The following MACROD1 variants were observed in gnomAD, a reference collection of about 807,000 sequenced individuals.
The protein encoded by MACROD1 is mono-ADP ribosylhydrolase 1.
A neutral mutation model predicts 41.4 loss-of-function variants in MACROD1; 31 were observed. The ratio of observed to expected loss-of-function variants is 0.75; its 90% CI spans 0.56 to 1.01. The LOEUF (loss-of-function observed/expected upper bound fraction) is 1.01, where lower values mean the gene tolerates loss of function less well. Among genes scored for constraint, MACROD1 ranks in the 50% least tolerant of loss-of-function variants. MACROD1 has a pLI of 0.00. For missense variants in MACROD1, 473 were observed against 460.0 expected, an observed-to-expected ratio of 1.03 and a Z score of -0.26; for synonymous variants, 252 against 203.4, an observed-to-expected ratio of 1.24 and a Z score of -2.03.
intron 3 of MACROD1, chr11:64,116,195 GC>G: frequency 6.5e-7 from 1 of 1,527,292 alleles, no homozygotes; most frequent in Non-Finnish European, 8.7e-7. Context: ...CCCTCTCACT[GC>G]CCCTGTCCTG....
intron 3 of MACROD1, among the ~76,000 whole-genome samples, chr11:64,072,694 G>A (rs1334743315): frequency 1.3e-5 from 2 of 152,192 alleles, no homozygotes; most frequent in Admixed American, 6.5e-5. Context: ...TTATAGGGCT[G>A]TTCTGGGGAT....
At position 64,074,552 on chromosome 11, in the gene MACROD1, G is replaced by A. The variant is rs780242751; in HGVS notation, c.518-59271C>T. Among the ~76,000 whole-genome samples, 6 of 152,222 alleles carry A rather than the reference G, an allele frequency of 3.9e-5. No homozygotes were observed. In the South Asian group the frequency reaches 6.2e-4, roughly 16 times the overall value. ...CACGCAGCAAATAACGTGTGGAGAA[G>A]CAATTCCGATGTCACCTCCATGTCC... On this transcript the variant is annotated intron_variant, in intron 3 of 10. Transcript: ENST00000255681.
At chr11:64,024,232 A>G (rs1223508836) in intron 3 of MACROD1, among the ~76,000 whole-genome samples, 2 of 152,232 alleles carry the variant, frequency 1.3e-5, no homozygotes, top group East Asian at 3.8e-4. Flanking sequence ...GCCCTGAAGG[A>G]CCTTCCAGAC....
chr11:64,015,727 T>TA (rs1459057600), intron 3 of MACROD1, among the ~76,000 whole-genome samples: 3 of 151,874 alleles, frequency 2.0e-5, no homozygotes, highest in Admixed American at 1.3e-4. Flanking sequence ...TTGAAGCCAC[T>TA]AGGAAGCAAA....
At chr11:64,004,351 C>T (rs1356368425) in intron 4 of MACROD1, among the ~76,000 whole-genome samples, 1 of 152,190 alleles carries the variant, frequency 6.6e-6, no homozygotes, top group Non-Finnish European at 1.5e-5. Flanking sequence ...CGCCAAGGCG[C>T]TTAGGATGAG....
At chr11:64,028,512 C>T (rs1943251041) in intron 3 of MACROD1, among the ~76,000 whole-genome samples, 1 of 152,216 alleles carries the variant, frequency 6.6e-6, no homozygotes, top group Non-Finnish European at 1.5e-5. Context: ...AGGAGGAGGT[C>T]AGTGTGGCAG....
intron 3 of MACROD1, among the ~76,000 whole-genome samples, chr11:64,069,501 A>G (rs1944066345): frequency 6.6e-6 from 1 of 152,152 alleles, no homozygotes; most frequent in Non-Finnish European, 1.5e-5. Flanking sequence ...GCTCTGGGGT[A>G]GGGGAAGGGC....
At chr11:64,113,360 T>TGATG (rs1191481891) in intron 3 of MACROD1, among the ~76,000 whole-genome samples, 78 of 152,194 alleles carry the variant, frequency 5.1e-4, no homozygotes, top group African/African-American at 6.0e-4. Flanking sequence ...GTTGGATGCA[T>TGATG]GATGGATGGA....
chr11:64,044,445 C>T (rs979508477), intron 3 of MACROD1, among the ~76,000 whole-genome samples: 5 of 152,040 alleles, frequency 3.3e-5, no homozygotes, highest in Non-Finnish European at 5.9e-5. Flanking sequence ...GACAGGGTTT[C>T]CTTATGTTGC....
intron 3 of MACROD1, among the ~76,000 whole-genome samples, chr11:64,026,527 C>T (rs746211870): frequency 3.3e-5 from 5 of 152,076 alleles, no homozygotes; most frequent in Non-Finnish European, 5.9e-5. Flanking sequence ...TTGTGGAGTG[C>T]GCATATCTTA....
chr11:64,165,750 G>A lies in MACROD1; in HGVS notation c.245C>T (p.Ala82Val), dbSNP rs775146077. ...GCTCAGGTCCACCTTCGCCGCCATGGCCAGGGGGGCCCAAGTGCGCACCCC... is the reference window on the plus strand; with the variant it reads ...GCTCAGGTCCACCTTCGCCGCCATGACCAGGGGGGCCCAAGTGCGCACCCC... ...TAGVRTWAPL[A>V]MAAKVDLSTS... Residue 82 changes from alanine to valine, a missense_variant, in exon 1 of 11, where the codon GCC (alanine) becomes GTC (valine). Coordinates refer to ENST00000255681, the MANE Select transcript of MACROD1 (RefSeq NM_014067.4). The A allele has an allele frequency of 2.0e-6, 3 of 1,499,140 alleles. No individual in the cohort carries two copies. The highest frequency in any genetic ancestry group is 2.6e-5 in the South Asian group (2 of 75,768). The allele number at this position is 1,499,140 out of a possible 1,614,324, so 92.9% of individuals were successfully genotyped here.
intron 4 of MACROD1, among the ~76,000 whole-genome samples, chr11:64,002,161 G>T (rs376429831): frequency 3.9e-5 from 6 of 152,126 alleles, no homozygotes; most frequent in East Asian, 3.9e-4. Flanking sequence ...CACAGTGTGT[G>T]GGGGTGAGCC....
intron 3 of MACROD1, among the ~76,000 whole-genome samples, chr11:64,085,633 C>A (rs983443445): frequency 9.2e-5 from 14 of 152,358 alleles, no homozygotes; most frequent in Non-Finnish European, 1.5e-4. Flanking sequence ...CTCTGCCCCA[C>A]ATGGCTGTGG....
rs148936962 is a variant in MACROD1, at chr11:64,067,163, G to A, written c.518-51882C>T. Among the ~76,000 whole-genome samples the A allele has an allele frequency of 1.1e-4, 17 of 152,276 alleles. No individual in the cohort carries two copies. Among genetic ancestry groups the A allele is most frequent in the Non-Finnish European group, 1.9e-4 (13 of 68,022 alleles). On this transcript the variant is annotated intron_variant, in intron 3 of 10. Coordinates refer to ENST00000255681, the MANE Select transcript of MACROD1 (RefSeq NM_014067.4). This position sits in a 1 kb window ranked among gnomAD's most constrained non-coding sequence, Gnocchi z 4.6. ...GCAGGGCTGGTGGGGGTGGGAGGCC[G>A]GCCATACCCACCTGTAGGCACATGC...
At chr11:64,056,300 C>T (rs1017376570) in intron 3 of MACROD1, among the ~76,000 whole-genome samples, 8 of 152,034 alleles carry the variant, frequency 5.3e-5, no homozygotes, top group African/African-American at 1.7e-4. Context: ...CTGCTGCAGC[C>T]CCTACACGTT....
chr11:64,049,572 T>C (rs1018571800), intron 3 of MACROD1, among the ~76,000 whole-genome samples: 2 of 152,206 alleles, frequency 1.3e-5, no homozygotes, highest in African/African-American at 2.4e-5. Flanking sequence ...GCTGGTTCTA[T>C]TGGCTTCCTG....
rs373825303 is a variant in MACROD1 at position 64,079,316 on chromosome 11, C to T, written c.518-64035G>A. ...GCTGCAGATGCCTCTGGGAATGAGA[C>T]AGACAGGGGTCTGCCCTCTGGGAGG... On this transcript the variant is annotated intron_variant, in intron 3 of 10. Coordinates refer to ENST00000255681, the MANE Select transcript of MACROD1 (RefSeq NM_014067.4). 7.3e-3 allele frequency among the ~76,000 whole-genome samples: 1,106 copies of T among 151,396 alleles called. 15 individuals are homozygous for T. The highest frequency in any genetic ancestry group is 0.026 in the African/African-American group (1,061 of 41,162).
At chr11:64,154,619 C>A (rs991883074) in intron 1 of MACROD1, among the ~76,000 whole-genome samples, 1 of 152,246 alleles carries the variant, frequency 6.6e-6, no homozygotes, top group African/African-American at 2.4e-5. Flanking sequence ...CTGCCTCCCC[C>A]ACTACACCAG....
chr11:64,021,796 C>T (rs996763417), intron 3 of MACROD1, among the ~76,000 whole-genome samples: 2 of 151,980 alleles, frequency 1.3e-5, no homozygotes, highest in Non-Finnish European at 2.9e-5. Flanking sequence ...CGCTGGGACA[C>T]GGATGGGGCA....
Sources: allele counts gnomAD v4.1 joint callset (sites outside exome capture counted in the v4.1 genomes callset), GRCh38; gene constraint gnomAD v4.1.1; non-coding constraint Gnocchi (gnomAD v3.1); transcripts MANE v1.5; gene names NCBI Gene and HGNC (gene_info 2026-07-23, HGNC 2026-07-21).